SF3B4: variants seen among roughly 807,000 people sequenced by gnomAD.
SF3B4 encodes the protein SAP 49.
A neutral mutation model predicts 34.3 loss-of-function variants in SF3B4; 3 were observed. The observed-to-expected ratio is 0.09, with a 90% CI of 0.04 to 0.23. The LOEUF (loss-of-function observed/expected upper bound fraction) is 0.23, where lower values mean the gene tolerates loss of function less well. SF3B4 is among the 10% of genes least tolerant of loss of function. SF3B4 has a pLI of 1.00. For missense variants in SF3B4, 283 were observed against 567.2 expected (o/e 0.50, Z 5.09); for synonymous variants, 216 against 207.8 (o/e 1.04, Z -0.34).
chr1:149,925,880 T>G lies in SF3B4; in HGVS notation c.869A>C (p.His290Pro). 1.2e-6 allele frequency: 2 copies of G among 1,611,176 alleles called. No individual in the cohort carries two copies. The highest frequency in any genetic ancestry group is 8.5e-7 in the Non-Finnish European group (1 of 1,178,356). Residue 290 changes from histidine to proline, a missense_variant, in exon 4 of 6, where the codon CAC becomes CCC. Physicochemically the swap from His to Pro is moderately conservative, Grantham distance 77. Coordinates refer to ENST00000271628, the MANE Select transcript of SF3B4 (RefSeq NM_005850.5). ...TPGAGHPGHG[H>P]SHPHPFPPGG... ...CGGTGGGAATGGGTGAGGATGTGAG[T>G]GTCCATGACCAGGATGTCCTGCCCC...
At chr1:149,927,316 G>C (rs782298773) in intron 1 of SF3B4, 22 bp from the exon 2 acceptor site, 6 of 1,611,642 alleles carry the variant, frequency 3.7e-6, no homozygotes, top group South Asian at 1.1e-5. Context: ...GGAGCAAAAA[G>C]AGCAAGCGTG....
At position 149,925,856 on chromosome 1, in the gene SF3B4, G is replaced by C; in HGVS notation, c.893C>G (p.Pro298Arg). Residue 298 changes from proline to arginine, a missense_variant, in exon 4 of 6, where the codon CCG becomes CGG. Physicochemically the swap from Pro to Arg is moderately radical, Grantham distance 103. Around this residue, in one of 4 missense-constraint regions of SF3B4, gnomAD observed 208 missense variants for 292.6 expected, o/e 0.71. Transcript: ENST00000271628. Reference sequence around the variant, plus strand: ...CCTACCTGGATGGGGCATCCCACCCGGTGGGAATGGGTGAGGATGTGAGTG... The same window carrying C: ...CCTACCTGGATGGGGCATCCCACCCCGTGGGAATGGGTGAGGATGTGAGTG... ...HGHSHPHPFP[P>R]GGMPHPGMSQ... 1.9e-6 allele frequency: 3 copies of C among 1,613,350 alleles called. No individual in the cohort carries two copies. Among genetic ancestry groups the C allele is most frequent in the Non-Finnish European group, 2.5e-6 (3 of 1,179,464 alleles).
chr1:149,923,456 G>A lies in SF3B4; in HGVS notation c.*86C>T. 9.4e-7 allele frequency: 1 copy of A among 1,061,992 alleles called. No homozygotes were observed. Among genetic ancestry groups the A allele is most frequent in the Non-Finnish European group, 1.3e-6 (1 of 751,210 alleles). 65.8% of individuals were successfully genotyped at this position (1,061,992 alleles called of 1,614,324 possible). ...GGTGCTGAAAGGGATTAGTACCTTT[G>A]CCCCAAGGAGCTACAGCATCTCTGA... On this transcript the variant is annotated 3_prime_UTR_variant, in exon 6 of 6. Transcript: ENST00000271628.
At chr1:149,925,119 G>T (rs1320815325) in intron 4 of SF3B4, among the ~76,000 whole-genome samples, 1 of 152,132 alleles carries the variant, frequency 6.6e-6, no homozygotes, top group Non-Finnish European at 1.5e-5. Flanking sequence ...ATAAGACTTG[G>T]TATTAAGAGT....
At chr1:149,927,410 GAGCAAAAAAAAA>G in intron 1 of SF3B4, 116 bp from the exon 2 acceptor site, 1 of 1,267,746 alleles carries the variant, frequency 7.9e-7, no homozygotes, top group Middle Eastern at 1.9e-4. Context: ...TAGGGGACAG[GAGCAAAAAAAAA>G]AGTTTAAACC....
Position 149,926,399 on chromosome 1 carries a change from AATG to A in SF3B4, c.680_682del (p.Ser227del). The A allele has an allele frequency of 1.2e-6, 2 of 1,611,842 alleles. No individual in the cohort carries two copies. Among genetic ancestry groups the A allele is most frequent in the Non-Finnish European group, 1.7e-6 (2 of 1,178,222 alleles). ...ACCTGGTGGAGGAAGCCCAGACCCC[AATG>A]ATGATACCACAGGATTGGGAGCAGA... On this transcript the variant is annotated inframe_deletion, in exon 3 of 6. Transcript: ENST00000271628. This position sits in a 1 kb window ranked among gnomAD's most constrained non-coding sequence, Gnocchi z 6.2.
chr1:149,924,413 G>A (rs1553765735), intron 4 of SF3B4, among the ~76,000 whole-genome samples: 1 of 152,090 alleles, frequency 6.6e-6, no homozygotes, highest in Admixed American at 6.6e-5. Context: ...CTCCAGCCTG[G>A]ATGACAGAGT....
rs1383790319 is a variant in SF3B4 at position 149,925,593 on chromosome 1, G to C, written c.913+243C>G. The C allele has an allele frequency of 1.7e-5, 9 of 525,590 alleles. No homozygotes were observed. The East Asian group carries it at 3.2e-4, about 19-fold the overall frequency. The allele number at this position is 525,590 out of a possible 1,614,324, so 32.6% of individuals were successfully genotyped here. On this transcript the variant is annotated intron_variant, in intron 4 of 5. Coordinates refer to ENST00000271628, the MANE Select transcript of SF3B4 (RefSeq NM_005850.5). ...CACTTTGAGGTGGAGTCAGAGAAGA[G>C]AATGGAACTAAAGATTAAAGAAATA...
chr1:149,927,456 C>T, intron 1 of SF3B4, 162 bp from the exon 2 acceptor site: 1 of 828,108 alleles, frequency 1.2e-6, no homozygotes, highest in Non-Finnish European at 1.8e-6. Context: ...CTTCCCAGGA[C>T]TTCGGGAATC....
chr1:149,925,906 T>G lies in SF3B4; in HGVS notation c.843A>C (p.Pro281=), dbSNP rs782812724. 6.9e-6 allele frequency: 11 copies of G among 1,594,372 alleles called. No homozygotes were observed. The highest frequency in any genetic ancestry group is 1.7e-4 in the Middle Eastern group (1 of 6,000). The change falls in exon 4 of 6, where the codon CCA becomes CCC. Residue 281 remains proline (P), a synonymous_variant. Transcript: ENST00000271628. ...GTCCATGACCAGGATGTCCTGCCCC[T>G]GGGGTTCCTGCCGATGGGGGGCCAT... ...AGHGPPSAGT[P]GAGHPGHGHS...
At position 149,927,742 on chromosome 1, in the gene SF3B4, G is replaced by A. The variant is rs782254029; in HGVS notation, c.18C>T (p.Ile6=). The A allele has an allele frequency of 4.5e-6, 7 of 1,553,394 alleles. No homozygotes were observed. In the South Asian group the frequency reaches 8.3e-5, roughly 18 times the overall value. The part of the protein sequence containing the change: MAAGP[I]SERNQDATVY... ...TCCAGTTACCCTGATTCCGCTCGGA[G>A]ATCGGCCCGGCAGCCATGGCGAAAG... Residue 6 remains isoleucine (I), a synonymous_variant, in exon 1 of 6, where the codon ATC becomes ATT. Coordinates refer to ENST00000271628, the MANE Select transcript of SF3B4 (RefSeq NM_005850.5).
Position 149,926,725 on chromosome 1 carries a change from A to G in SF3B4, c.357T>C (p.Thr119=), listed in dbSNP as rs782060652. ...GTAAGATGACCCCAAAGGCGCTGAA[A>G]GTATCATAAAGCAACTTCTCATCAA... ...PEIDEKLLYD[T]FSAFGVILQT... Residue 119 remains threonine (T), a synonymous_variant, in exon 3 of 6, where the codon ACT becomes ACC. Transcript: ENST00000271628. The surrounding 1 kb of genome is among the most constrained non-coding windows in gnomAD (Gnocchi z 6.2). 12 of 1,614,178 alleles carry G rather than the reference A, an allele frequency of 7.4e-6. No individual in the cohort carries two copies. Among genetic ancestry groups the G allele is most frequent in the African/African-American group, 1.3e-5 (1 of 75,034 alleles).
Position 149,923,561 on chromosome 1 carries a change from C to T in SF3B4, c.1256G>A (p.Arg419Gln), listed in dbSNP as rs781909018. ...RPPVPPRGPLRGPLPQ is the reference protein window; with the variant it reads ...RPPVPPRGPLQGPLPQ ...GTGAATTTACTGAGGGAGAGGGCCT[C>T]GAAGTGGGCCTCGAGGGGGAACTGG... The change falls in exon 6 of 6, where the codon CGA (arginine) becomes CAA (glutamine). Residue 419 changes from arginine to glutamine, a missense_variant. Arg to Gln is a conservative substitution (Grantham distance 43). Transcript: ENST00000271628. 6.4e-7 allele frequency: 1 copy of T among 1,565,834 alleles called. No homozygotes were observed. The highest frequency in any genetic ancestry group is 8.6e-7 in the Non-Finnish European group (1 of 1,164,922).
chr1:149,923,896 A>C lies in SF3B4; in HGVS notation c.1032T>G (p.Pro344=). The change falls in exon 5 of 6, where the codon CCT becomes CCG. Residue 344 remains proline (P), a synonymous_variant. Transcript: ENST00000271628. ...GGGGCATGCCCATTGGAGGAGGTCC[A>C]GGATGAGGCATTCCAGGTGGTGGTC... ...PPRPPPGMPH[P]GPPPMGMPPR... is the part of the protein sequence containing the mutation. The C allele has an allele frequency of 6.2e-7, 1 of 1,605,968 alleles. No homozygotes were observed. Among genetic ancestry groups the C allele is most frequent in the Non-Finnish European group, 8.5e-7 (1 of 1,177,630 alleles).
At position 149,926,417 on chromosome 1, in the gene SF3B4, T is replaced by C. The variant is rs1553766032; in HGVS notation, c.665A>G (p.Asn222Ser). 10 of 1,613,506 alleles carry C rather than the reference T, an allele frequency of 6.2e-6. No homozygotes were observed. The highest frequency in any genetic ancestry group is 1.3e-5 in the African/African-American group (1 of 74,830). ...ADAPPPPSAP[N>S]PVVSSLGSGL... ...AGACCCCAATGATGATACCACAGGA[T>C]TGGGAGCAGAGGGTGGAGGAGGTGC... Residue 222 changes from asparagine to serine, a missense_variant, in exon 3 of 6, where the codon AAT becomes AGT. Asn to Ser is a conservative substitution (Grantham distance 46). Around this residue, in one of 4 missense-constraint regions of SF3B4, gnomAD observed 208 missense variants for 292.6 expected, o/e 0.71. Transcript: ENST00000271628. The surrounding 1 kb of genome is among the most constrained non-coding windows in gnomAD (Gnocchi z 6.2).
intron 1 of SF3B4, 59 bp downstream of exon 1, chr1:149,927,667 C>A: frequency 2.6e-6 from 4 of 1,544,032 alleles, no homozygotes; most frequent in Non-Finnish European, 3.5e-6. Context: ...ACACTGCTGG[C>A]TGTAGTCGGG....
intron 1 of SF3B4, 142 bp from the exon 2 acceptor site, chr1:149,927,436 A>G (rs1383302700): frequency 2.1e-6 from 2 of 936,640 alleles, no homozygotes; most frequent in African/African-American, 1.7e-5. Context: ...TTAAACCCTT[A>G]AACTTCTCTC....
chr1:149,925,554 G>A (rs2101645292), intron 4 of SF3B4: 1 of 414,388 alleles, frequency 2.4e-6, no homozygotes, highest in East Asian at 5.0e-5. Context: ...CCCGAGATTT[G>A]GCAATTAGGT....
Position 149,926,990 on chromosome 1 carries a change from C to G in SF3B4, c.164-72G>C. The G allele has an allele frequency of 1.4e-6, 2 of 1,475,780 alleles. No homozygotes were observed. The highest frequency in any genetic ancestry group is 2.7e-5 in the South Asian group (2 of 75,418). 91.4% of individuals were successfully genotyped at this position (1,475,780 alleles called of 1,614,324 possible). On this transcript the variant is annotated intron_variant, in intron 2 of 5. Transcript: ENST00000271628. This position sits in a 1 kb window ranked among gnomAD's most constrained non-coding sequence, Gnocchi z 6.2. ...GAAAATGGGGTAAAATTCATCTACC[C>G]TCTAATCACAAAGAACAAGAAAGAA...
Sources: gnomAD v4.1 joint callset for allele counts (sites outside exome capture counted in the v4.1 genomes callset) on GRCh38, gnomAD v4.1.1 for gene constraint, gnomAD v4.1.1 regional missense constraint, Gnocchi (gnomAD v3.1) non-coding constraint, MANE v1.5 for transcripts, NCBI Gene and HGNC (gene_info 2026-07-23, HGNC 2026-07-21) for gene names.